TM9SF2: variants seen among roughly 807,000 people sequenced by gnomAD.
The protein encoded by TM9SF2 is 76 kDa membrane protein.
In TM9SF2, 13 loss-of-function variants were observed where a neutral mutation model predicts 84.9. The ratio of observed to expected loss-of-function variants is 0.15; its 90% CI spans 0.10 to 0.24. The LOEUF (loss-of-function observed/expected upper bound fraction) is 0.24. Among genes scored for constraint, TM9SF2 ranks in the 10% least tolerant of loss-of-function variants. The probability of loss-of-function intolerance (pLI) is 1.00; values close to 1 mark genes in which losing one functional copy is unlikely to be tolerated. For synonymous variants in TM9SF2, 273 were observed against 285.8 expected (o/e 0.96, Z 0.45); for missense variants, 562 against 818.5 (o/e 0.69, Z 3.82).
chr13:99,549,825 TAAAG>T (rs1350495400), intron 12 of TM9SF2, among the ~76,000 whole-genome samples: 2 of 152,162 alleles, frequency 1.3e-5, no homozygotes, highest in African/African-American at 2.4e-5. Flanking sequence ...GCTACAGCAA[TAAAG>T]AAAGCCAAGG....
At chr13:99,527,089 C>T (rs2046186792) in intron 3 of TM9SF2, among the ~76,000 whole-genome samples, 1 of 152,016 alleles carries the variant, frequency 6.6e-6, no homozygotes. Context: ...ACATGAGTTT[C>T]AGGGCATAGT....
chr13:99,554,200 G>A, intron 13 of TM9SF2, 104 bp from the exon 14 acceptor site: 3 of 1,371,528 alleles, frequency 2.2e-6, no homozygotes, highest in Non-Finnish European at 3.0e-6. Context: ...TGCCATTAGT[G>A]ACAACATAGA....
At chr13:99,513,403 G>T (rs4254176) in intron 1 of TM9SF2, among the ~76,000 whole-genome samples, 26,407 of 152,154 alleles carry the variant, frequency 0.17, 2,485 homozygotes, top group Non-Finnish European at 0.2. Context: ...CTCAATCTTA[G>T]ACTCTTAGAG....
At position 99,559,544 on chromosome 13, in the gene TM9SF2, T is replaced by C; in HGVS notation, c.1924+10T>C. 1 of 1,571,334 alleles carries C rather than the reference T, an allele frequency of 6.4e-7. No individual in the cohort carries two copies. The highest frequency in any genetic ancestry group is 8.6e-7 in the Non-Finnish European group (1 of 1,160,770). ...TTCTTTCTTTTTACAGGTAAAATTA[T>C]AATTTAAGTGATTATTTTTATTTTG... On this transcript the variant is annotated intron_variant, in intron 16 of 16. Coordinates refer to ENST00000376387, the MANE Select transcript of TM9SF2 (RefSeq NM_004800.3).
intron 3 of TM9SF2, among the ~76,000 whole-genome samples, chr13:99,525,251 T>G (rs2046177766): frequency 6.6e-6 from 1 of 152,038 alleles, no homozygotes; most frequent in Non-Finnish European, 1.5e-5. Context: ...GTTTGTTTGT[T>G]TGTTTGTTTA....
At chr13:99,551,242 T>C (rs555780539) in intron 12 of TM9SF2, among the ~76,000 whole-genome samples, 123 of 152,312 alleles carry the variant, frequency 8.1e-4, no homozygotes, top group African/African-American at 2.9e-3. Flanking sequence ...AAATTTGCCA[T>C]GTTTCTTAAT....
At chr13:99,546,940 A>G in intron 10 of TM9SF2, 45 bp from the exon 11 acceptor site, 1 of 1,608,900 alleles carries the variant, frequency 6.2e-7, no homozygotes, top group Non-Finnish European at 8.5e-7. Context: ...ACAGCAAAGG[A>G]AACAGAGTAA....
chr13:99,549,312 T>C, intron 12 of TM9SF2, 90 bp downstream of exon 12: 5 of 983,324 alleles, frequency 5.1e-6, no homozygotes, highest in Non-Finnish European at 7.9e-6. Context: ...CCTCCGTGTC[T>C]CTAAATCATG....
chr13:99,531,998 T>C (rs1308440274), intron 4 of TM9SF2, among the ~76,000 whole-genome samples: 2 of 152,144 alleles, frequency 1.3e-5, no homozygotes, highest in African/African-American at 2.4e-5. Flanking sequence ...CTGCAATAGC[T>C]ATCAGTTTGT....
At chr13:99,523,735 CT>C (rs1287346338) in intron 3 of TM9SF2, among the ~76,000 whole-genome samples, 1 of 152,182 alleles carries the variant, frequency 6.6e-6, no homozygotes, top group East Asian at 1.9e-4. Flanking sequence ...AAACAAAAAT[CT>C]CTGTCCTCAT....
chr13:99,554,346 A>G lies in TM9SF2; in HGVS notation c.1531A>G (p.Ile511Val). ...TCGAACCAATCAGATTCCACGTCAG[A>G]TTCCTGAACAGTCGTTCTACACGAA... Reference protein sequence around the residue: ...PVRTNQIPRQIPEQSFYTKPL... With the variant: ...PVRTNQIPRQVPEQSFYTKPL... The change falls in exon 14 of 17, where the codon ATT becomes GTT. Residue 511 changes from isoleucine to valine, a missense_variant. By Grantham distance (29) the Ile-to-Val change is conservative. This residue lies in a region of TM9SF2 where 219 missense variants were observed against 338.1 expected (regional missense o/e 0.65). Coordinates refer to ENST00000376387, the MANE Select transcript of TM9SF2 (RefSeq NM_004800.3). 6.2e-7 allele frequency: 1 copy of G among 1,614,112 alleles called. No individual in the cohort carries two copies. The highest frequency in any genetic ancestry group is 8.5e-7 in the Non-Finnish European group (1 of 1,179,992).
At chr13:99,507,729 C>T (rs998084963) in intron 1 of TM9SF2, among the ~76,000 whole-genome samples, 5 of 152,176 alleles carry the variant, frequency 3.3e-5, no homozygotes, top group African/African-American at 4.8e-5. Flanking sequence ...GGAGTTGAAG[C>T]TTCCATAGAT....
At chr13:99,541,515 T>C in intron 8 of TM9SF2, 44 bp from the exon 9 acceptor site, 1 of 1,415,374 alleles carries the variant, frequency 7.1e-7, no homozygotes, top group Admixed American at 1.8e-5. Flanking sequence ...TTACTGTTCC[T>C]AGGATTAAGC....
chr13:99,556,770 T>C (rs558449472), intron 15 of TM9SF2, among the ~76,000 whole-genome samples: 3 of 152,146 alleles, frequency 2.0e-5, no homozygotes, highest in African/African-American at 7.2e-5. Flanking sequence ...GTATTTTTGG[T>C]AGAGACGGGG....
intron 1 of TM9SF2, among the ~76,000 whole-genome samples, chr13:99,516,282 G>A (rs993803662): frequency 4.0e-4 from 61 of 152,142 alleles, no homozygotes; most frequent in African/African-American, 1.4e-3. Context: ...GTCTTGCTTT[G>A]GGGGATGTTA....
chr13:99,544,481 C>A (rs545503438), intron 10 of TM9SF2, among the ~76,000 whole-genome samples: 1 of 152,262 alleles, frequency 6.6e-6, no homozygotes, highest in East Asian at 1.9e-4. Flanking sequence ...CTTGGTTTCT[C>A]CCTTCAGCTC....
rs764309169 is a variant in TM9SF2, at chr13:99,541,625, A to T, written c.975A>T (p.Thr325=). Reference sequence around the variant, plus strand: ...TGGTAGCTATGATTATGTTACGGACACTGCACAAAGATATTGCTAGATATA... The same window carrying T: ...TGGTAGCTATGATTATGTTACGGACTCTGCACAAAGATATTGCTAGATATA... ...SGMVAMIMLR[T]LHKDIARYNQ... is the part of the protein sequence containing the mutation. The change falls in exon 9 of 17, where the codon ACA becomes ACT. Residue 325 remains threonine, a synonymous_variant. Transcript: ENST00000376387. The T allele has an allele frequency of 1.2e-6, 2 of 1,613,304 alleles. No homozygotes were observed. The highest frequency in any genetic ancestry group is 2.7e-5 in the African/African-American group (2 of 75,048).
At chr13:99,561,790 G>GT (rs2046346004) in intron 16 of TM9SF2, among the ~76,000 whole-genome samples, 1 of 152,196 alleles carries the variant, frequency 6.6e-6, no homozygotes, top group Non-Finnish European at 1.5e-5. Flanking sequence ...TCCCTTATGT[G>GT]TGCATGTGCA....
intron 3 of TM9SF2, among the ~76,000 whole-genome samples, chr13:99,529,143 A>G (rs1244637294): frequency 6.6e-6 from 1 of 152,214 alleles, no homozygotes; most frequent in South Asian, 2.1e-4. Context: ...ATGGGATATT[A>G]CTAGGAGAGA....
Sources: gnomAD v4.1 joint callset for allele counts (sites outside exome capture counted in the v4.1 genomes callset) on GRCh38, gnomAD v4.1.1 for gene constraint, gnomAD v4.1.1 regional missense constraint, MANE v1.5 for transcripts, NCBI Gene and HGNC (gene_info 2026-07-23, HGNC 2026-07-21) for gene names.